Variants in ABCC1 observed in about 807,000 individuals in gnomAD.
ABCC1 encodes ATP binding cassette subfamily C member 1 (ABCC1 blood group).
In ABCC1, 83 loss-of-function variants were observed where a neutral mutation model predicts 172.9. The observed-to-expected ratio is 0.48, with a 90% CI of 0.40 to 0.58. ABCC1 has a LOEUF of 0.58. Ranked by LOEUF, ABCC1 falls within the 20% of genes least tolerant of loss-of-function variation. The probability of loss-of-function intolerance (pLI) is 0.00; values close to 1 mark genes in which losing one functional copy is unlikely to be tolerated. For missense variants in ABCC1, 1,817 were observed against 2,002.7 expected (o/e 0.91, Z 1.77); for synonymous variants, 937 against 825.2 (o/e 1.14, Z -2.32).
intron 5 of ABCC1, among the ~76,000 whole-genome samples, chr16:16,019,019 T>C (rs2048105590): frequency 1.3e-5 from 2 of 152,072 alleles, no homozygotes; most frequent in South Asian, 4.1e-4. Context: ...TGTGTATCAG[T>C]GTGTGTAAGT....
chr16:16,034,811 C>G (rs1244828598), intron 6 of ABCC1, among the ~76,000 whole-genome samples: 1 of 151,908 alleles, frequency 6.6e-6, no homozygotes, highest in African/African-American at 2.4e-5. Context: ...TGGTCTCAAA[C>G]TCCTGACTTC....
chr16:15,965,119 T>G (rs1462886491), intron 1 of ABCC1, among the ~76,000 whole-genome samples: 1 of 152,226 alleles, frequency 6.6e-6, no homozygotes. Flanking sequence ...GCTTGCATAC[T>G]GTCTCCTATG....
In ABCC1 at chr16:16,009,757, G is replaced by A; in HGVS notation, c.226-19G>A. The A allele has an allele frequency of 6.3e-7, 1 of 1,598,514 alleles. No individual in the cohort carries two copies. The highest frequency in any genetic ancestry group is 1.7e-5 in the Admixed American group (1 of 58,096). On this transcript the variant is annotated intron_variant, in intron 2 of 30. Coordinates refer to ENST00000399410, the MANE Select transcript of ABCC1 (RefSeq NM_004996.4). ...TCCAGGGCGGTCTGTTGTAGGATAT[G>A]TATGTGCTTCTCTTCCAGGCCTTGG...
chr16:16,044,061 T>C (rs890332963), intron 7 of ABCC1, among the ~76,000 whole-genome samples: 4 of 152,254 alleles, frequency 2.6e-5, no homozygotes, highest in African/African-American at 4.8e-5. Context: ...GGGCTTTTGA[T>C]GGGGATTGCC....
rs780478003 is a variant in ABCC1 at position 16,071,658 on chromosome 16, A to G, written c.1841A>G (p.Lys614Arg). The change falls in exon 14 of 31, where the codon AAA (lysine) becomes AGA (arginine). Residue 614 changes from lysine (K) to arginine (R), a missense_variant. Physicochemically the swap from Lys to Arg is conservative, Grantham distance 26 (BLOSUM62 2). This residue lies in a region of ABCC1 where 1,412 missense variants were observed against 1,600.3 expected (regional missense o/e 0.88). Coordinates refer to ENST00000399410, the MANE Select transcript of ABCC1 (RefSeq NM_004996.4). The stretch of plus-strand genomic sequence containing the variant: ...TCTGTACAGGCGAGTGTCTCCCTCA[A>G]ACGCCTGAGGATCTTTCTCTCCCAT... ...SSIVQASVSLKRLRIFLSHEE... is the reference protein window; with the variant it reads ...SSIVQASVSLRRLRIFLSHEE... 1.1e-5 allele frequency: 18 copies of G among 1,613,852 alleles called. No homozygotes were observed. The South Asian group carries it at 1.5e-4, about 14-fold the overall frequency.
At chr16:16,010,802 C>T (rs1428728585) in intron 3 of ABCC1, among the ~76,000 whole-genome samples, 1 of 152,182 alleles carries the variant, frequency 6.6e-6, no homozygotes, top group African/African-American at 2.4e-5. Flanking sequence ...GGTTAAGTGT[C>T]CTGCTCAAGA....
At chr16:16,114,582 C>A (rs937395142) in intron 22 of ABCC1, among the ~76,000 whole-genome samples, 184 bp from the exon 23 acceptor site, 3 of 152,100 alleles carry the variant, frequency 2.0e-5, no homozygotes, top group Non-Finnish European at 4.4e-5. Flanking sequence ...CTCAAGTGAT[C>A]CACCCACCTC....
In ABCC1 at chr16:16,141,083, G is replaced by A. The variant is rs1023554835; in HGVS notation, c.4488-90G>A. 3.9e-5 allele frequency: 44 copies of A among 1,137,336 alleles called. No homozygotes were observed. The African/African-American group carries it at 5.8e-4, about 15-fold the overall frequency. The allele number at this position is 1,137,336 out of a possible 1,614,324, so 70.5% of individuals were successfully genotyped here. Reference sequence around the variant, plus strand: ...GCAAAAAGTGTTAGGGGCCTGACCCGAAGCAGTGACTTGCCCAGGTCAGTT... The same window carrying A: ...GCAAAAAGTGTTAGGGGCCTGACCCAAAGCAGTGACTTGCCCAGGTCAGTT... On this transcript the variant is annotated intron_variant, in intron 30 of 30. Transcript: ENST00000399410.
chr16:16,056,333 GAT>G (rs1360972254), intron 12 of ABCC1, 38 bp downstream of exon 12: 5 of 1,609,340 alleles, frequency 3.1e-6, no homozygotes, highest in Non-Finnish European at 4.3e-6. Flanking sequence ...CTCATTGTTT[GAT>G]GTTTTATTTT....
chr16:16,072,019 C>T (rs1315068850), intron 14 of ABCC1, among the ~76,000 whole-genome samples: 2 of 152,132 alleles, frequency 1.3e-5, no homozygotes, highest in African/African-American at 2.4e-5. Context: ...CCGTGGGAGT[C>T]ACTTTCCAAG....
intron 23 of ABCC1, among the ~76,000 whole-genome samples, chr16:16,119,830 A>C (rs573184822): frequency 3.8e-4 from 58 of 152,312 alleles, no homozygotes; most frequent in Admixed American, 8.5e-4. Context: ...GATTGTTCAG[A>C]AAGCAAGCTG....
intron 15 of ABCC1, among the ~76,000 whole-genome samples, chr16:16,077,354 T>C (rs1223446411): frequency 2.0e-5 from 3 of 152,216 alleles, no homozygotes; most frequent in Admixed American, 2.0e-4. Flanking sequence ...TCCTTATGTC[T>C]AACTTAAATC....
intron 2 of ABCC1, among the ~76,000 whole-genome samples, chr16:16,008,719 T>G (rs2047652855): frequency 6.6e-6 from 1 of 151,572 alleles, no homozygotes; most frequent in Non-Finnish European, 1.5e-5. Context: ...GGCATGTGCC[T>G]GTAATCTTAG....
chr16:16,118,469 T>C (rs1372511501), intron 23 of ABCC1, among the ~76,000 whole-genome samples: 2 of 150,510 alleles, frequency 1.3e-5, no homozygotes, highest in South Asian at 2.1e-4. Context: ...AAATATGTTA[T>C]CTGTGTTCAT....
At chr16:15,976,831 T>G (rs535482262) in intron 1 of ABCC1, among the ~76,000 whole-genome samples, 1 of 152,174 alleles carries the variant, frequency 6.6e-6, no homozygotes, top group African/African-American at 2.4e-5. Context: ...TCTTTTAATT[T>G]GACACACGGG....
At chr16:16,027,832 A>C (rs1181187695) in intron 5 of ABCC1, among the ~76,000 whole-genome samples, 1 of 152,186 alleles carries the variant, frequency 6.6e-6, no homozygotes, top group Non-Finnish European at 1.5e-5. Context: ...TTTAAGGTGT[A>C]CAGTTTTATG....
chr16:16,006,416 T>TTA (rs1403249628), intron 1 of ABCC1, among the ~76,000 whole-genome samples: 1 of 113,084 alleles, frequency 8.8e-6, no homozygotes, highest in Non-Finnish European at 2.1e-5. Context: ...AGACCTCATT[T>TTA]CAAAAAAAGA....
chr16:16,142,173 A>T lies in ABCC1; in HGVS notation c.*892A>T, dbSNP rs1300908275. Reference sequence around the variant, plus strand: ...TCCCACCATGATTGATGTGGGGTAAATATTAAGGAGATGGCCTCATGGGAA... The same window carrying T: ...TCCCACCATGATTGATGTGGGGTAATTATTAAGGAGATGGCCTCATGGGAA... On this transcript the variant is annotated 3_prime_UTR_variant, in exon 31 of 31. Coordinates refer to ENST00000399410, the MANE Select transcript of ABCC1 (RefSeq NM_004996.4). 6.6e-6 allele frequency: 1 copy of T among 151,934 alleles called. No individual in the cohort carries two copies. Among genetic ancestry groups the T allele is most frequent in the East Asian group, 1.9e-4 (1 of 5,146 alleles). The allele number at this position is 151,934 out of a possible 1,614,324, so 9.4% of individuals were successfully genotyped here. A position where few individuals can be genotyped will look rare whatever the true frequency, so the allele number is the denominator to read the frequency against.
intron 18 of ABCC1, 149 bp downstream of exon 18, chr16:16,087,140 A>C (rs2051041408): frequency 3.1e-6 from 3 of 977,814 alleles, no homozygotes. Context: ...CTTGTCTTGG[A>C]AGCCTTCCTA....
Sources: gnomAD v4.1 joint callset for allele counts (sites outside exome capture counted in the v4.1 genomes callset) on GRCh38, gnomAD v4.1.1 for gene constraint, gnomAD v4.1.1 regional missense constraint, MANE v1.5 for transcripts, NCBI Gene and HGNC (gene_info 2026-07-23, HGNC 2026-07-21) for gene names.